Variants in ROBO1 observed in about 807,000 individuals in gnomAD.
The protein encoded by ROBO1 is roundabout guidance receptor 1, also known as roundabout homolog 1.
In ROBO1, 149 loss-of-function variants were observed where a neutral mutation model predicts 195.9. The observed-to-expected ratio is 0.76, with a 90% confidence interval of 0.67 to 0.87. The LOEUF (loss-of-function observed/expected upper bound fraction) is 0.87. Among genes scored for constraint, ROBO1 ranks in the 40% least tolerant of loss-of-function variants. The pLI, the probability that ROBO1 is intolerant of heterozygous loss-of-function variation, is 0.00. For synonymous variants in ROBO1, 816 were observed against 733.2 expected (o/e 1.11, Z -1.82); for missense variants, 1,933 against 2,068.3 (o/e 0.93, Z 1.27).
chr3:78,944,544 G>A (rs568648725), intron 3 of ROBO1, among the ~76,000 whole-genome samples: 11 of 152,230 alleles, frequency 7.2e-5, no homozygotes, highest in Non-Finnish European at 1.2e-4. Context: ...GAGCCAAGAT[G>A]GCCGAATAGG....
At chr3:79,530,703 G>A (rs1205034821) in intron 2 of ROBO1, among the ~76,000 whole-genome samples, 1 of 150,360 alleles carries the variant, frequency 6.7e-6, no homozygotes, top group East Asian at 2.0e-4. Context: ...ACTAAGAGTA[G>A]CCTGCATGAT....
At chr3:79,141,219 C>T (rs1315390012) in intron 2 of ROBO1, among the ~76,000 whole-genome samples, 2 of 152,028 alleles carry the variant, frequency 1.3e-5, no homozygotes, top group Admixed American at 6.6e-5. Context: ...GACTGCGATT[C>T]CTCCCCACCT....
chr3:79,672,949 T>C (rs544246807), intron 1 of ROBO1, among the ~76,000 whole-genome samples: 1 of 152,054 alleles, frequency 6.6e-6, no homozygotes, highest in Admixed American at 6.6e-5. Context: ...ATCAAATAAC[T>C]GATCTTTTGT....
intron 2 of ROBO1, among the ~76,000 whole-genome samples, chr3:79,410,475 T>C (rs537144544): frequency 1.3e-5 from 2 of 152,134 alleles, no homozygotes; most frequent in East Asian, 3.9e-4. Flanking sequence ...AACCTGTATG[T>C]CCAGGGAAAA....
intron 2 of ROBO1, among the ~76,000 whole-genome samples, chr3:79,584,312 A>C (rs542622347): frequency 8.4e-4 from 126 of 149,736 alleles, no homozygotes; most frequent in African/African-American, 3.0e-3. Context: ...TTACCTGGAC[A>C]GATCCCTAAA....
At chr3:78,824,257 G>T (rs1404845963) in intron 4 of ROBO1, among the ~76,000 whole-genome samples, 2 of 152,130 alleles carry the variant, frequency 1.3e-5, no homozygotes, top group African/African-American at 4.8e-5. Context: ...TAGTGCAGAA[G>T]TAATTGAGGT....
intron 4 of ROBO1, among the ~76,000 whole-genome samples, chr3:78,807,023 G>T (rs914386886): frequency 6.6e-6 from 1 of 152,016 alleles, no homozygotes; most frequent in African/African-American, 2.4e-5. Flanking sequence ...GGCCAGGCTG[G>T]TCTTGAACCC....
intron 2 of ROBO1, among the ~76,000 whole-genome samples, chr3:79,170,143 T>G (rs1250234409): frequency 6.6e-6 from 1 of 151,968 alleles, no homozygotes; most frequent in Non-Finnish European, 1.5e-5. Context: ...ATATTCTCAC[T>G]AGATTAGAGC....
At chr3:78,822,920 C>G (rs2031155475) in intron 4 of ROBO1, among the ~76,000 whole-genome samples, 1 of 152,174 alleles carries the variant, frequency 6.6e-6, no homozygotes, top group South Asian at 2.1e-4. Flanking sequence ...GTCAATTTTC[C>G]CTCAGACTGC....
chr3:79,073,186 G>T (rs998928216), intron 3 of ROBO1, among the ~76,000 whole-genome samples: 4 of 151,944 alleles, frequency 2.6e-5, no homozygotes. Context: ...AGCCCACCTG[G>T]TTTTAAAATA....
At chr3:79,000,544 T>C (rs538002073) in intron 3 of ROBO1, among the ~76,000 whole-genome samples, 6 of 152,218 alleles carry the variant, frequency 3.9e-5, no homozygotes, top group African/African-American at 7.2e-5. Context: ...CACTGGTCAT[T>C]AGAGAAATGC....
At chr3:78,858,897 T>C (rs1328189652) in intron 4 of ROBO1, among the ~76,000 whole-genome samples, 1 of 152,076 alleles carries the variant, frequency 6.6e-6, no homozygotes, top group African/African-American at 2.4e-5. Context: ...AGATGTCAGG[T>C]GTTCTAGGAC....
intron 2 of ROBO1, among the ~76,000 whole-genome samples, chr3:79,455,428 G>A (rs2039587093): frequency 6.6e-6 from 1 of 152,056 alleles, no homozygotes; most frequent in Admixed American, 6.6e-5. Context: ...ATTGTGAGGT[G>A]TGTAATTTTA....
At chr3:78,770,724 A>G (rs907960633) in intron 4 of ROBO1, among the ~76,000 whole-genome samples, 2 of 152,112 alleles carry the variant, frequency 1.3e-5, no homozygotes, top group African/African-American at 4.8e-5. Context: ...AGAATAGTGT[A>G]TCCTAGGTTT....
At chr3:78,817,115 G>A (rs1287175235) in intron 4 of ROBO1, among the ~76,000 whole-genome samples, 1 of 152,190 alleles carries the variant, frequency 6.6e-6, no homozygotes, top group Non-Finnish European at 1.5e-5. Context: ...AGTGGCACAT[G>A]CTACAGAAAA....
chr3:79,642,244 T>A (rs1191957750), intron 1 of ROBO1, among the ~76,000 whole-genome samples: 1 of 152,078 alleles, frequency 6.6e-6, no homozygotes, highest in Non-Finnish European at 1.5e-5. Flanking sequence ...GAAGAAAGAA[T>A]GCAATTGAAC....
At chr3:79,552,567 T>C (rs903372226) in intron 2 of ROBO1, among the ~76,000 whole-genome samples, 5 of 152,166 alleles carry the variant, frequency 3.3e-5, no homozygotes, top group Non-Finnish European at 7.4e-5. Context: ...AAAATATGCC[T>C]GAATTTCTAA....
At chr3:78,881,101 T>G (rs969370435) in intron 4 of ROBO1, among the ~76,000 whole-genome samples, 1 of 152,174 alleles carries the variant, frequency 6.6e-6, no homozygotes, top group Admixed American at 6.6e-5. Context: ...TTCAGCTCAG[T>G]AGTGGTTGCC....
At chr3:78,625,616 T>G (rs1261729095) in intron 26 of ROBO1, among the ~76,000 whole-genome samples, 3 of 152,188 alleles carry the variant, frequency 2.0e-5, no homozygotes, top group African/African-American at 7.2e-5. Flanking sequence ...AGGCGAGGGC[T>G]GTAGGGCATT....
Sources: allele counts gnomAD v4.1 joint callset (sites outside exome capture counted in the v4.1 genomes callset), GRCh38; gene constraint gnomAD v4.1.1; transcripts MANE v1.5; gene names NCBI Gene and HGNC (gene_info 2026-07-23, HGNC 2026-07-21).